The following TRPC7 variants were observed in gnomAD, a reference collection of about 807,000 sequenced individuals.
The protein encoded by TRPC7 is short transient receptor potential channel 7.
TRPC7 carries 42 observed loss-of-function variants against 90.1 expected under a neutral mutation model. The ratio of observed to expected loss-of-function variants is 0.47; its 90% confidence interval spans 0.36 to 0.60. The LOEUF (loss-of-function observed/expected upper bound fraction) is 0.60. Ranked by LOEUF, TRPC7 falls within the 20% of genes least tolerant of loss-of-function variation. The pLI is 0.00. For missense variants in TRPC7, 955 were observed against 1,112.3 expected, an observed-to-expected ratio of 0.86 and a Z score of 2.01; for synonymous variants, 451 against 436.3, an observed-to-expected ratio of 1.03 and a Z score of -0.42.
chr5:136,214,886 T>C (rs979729718), intron 11 of TRPC7, among the ~76,000 whole-genome samples: 2 of 152,220 alleles, frequency 1.3e-5, no homozygotes, highest in African/African-American at 2.4e-5. Context: ...AAGTATCTCA[T>C]TAATTACCTG....
Position 136,356,705 on chromosome 5 carries a change from G to C in TRPC7, c.683C>G (p.Ala228Gly), listed in dbSNP as rs769443068. 6.2e-7 allele frequency: 1 copy of C among 1,610,496 alleles called. No individual in the cohort carries two copies. Among genetic ancestry groups the C allele is most frequent in the Non-Finnish European group, 8.5e-7 (1 of 1,177,762 alleles). The change falls in exon 2 of 12, where the codon GCT becomes GGT. Residue 228 changes from alanine (A) to glycine (G), a missense_variant. Coordinates refer to ENST00000513104, the MANE Select transcript of TRPC7 (RefSeq NM_020389.3). The stretch of plus-strand genomic sequence containing the variant: ...TTCGCTGGACAGGGACAAGTAGGCA[G>C]CACTCGCCAGTCCTTTGTAGGCGTT... ...RMNAYKGLAS[A>G]AYLSLSSEDP...
chr5:136,266,418 T>C lies in TRPC7; in HGVS notation c.1147A>G (p.Ser383Gly), dbSNP rs760834791. Residue 383 changes from serine to glycine, a missense_variant, in exon 5 of 12, where the codon AGC (serine) becomes GGC (glycine). Ser to Gly is a moderately conservative substitution (Grantham distance 56). Around this residue, in one of 4 missense-constraint regions of TRPC7, gnomAD observed 484 missense variants for 509.6 expected, o/e 0.95. Transcript: ENST00000513104. ...TGAGCTACAAACTTCATGAAAGGGC[T>C]CCTCAGGGTTCGTCCTAGCTGGAAA... ...PCSKLGRTLR[S>G]PFMKFVAHAV... 37 of 1,613,480 alleles carry C rather than the reference T, an allele frequency of 2.3e-5. No individual in the cohort carries two copies. Among genetic ancestry groups the C allele is most frequent in the Non-Finnish European group, 3.0e-5 (35 of 1,179,696 alleles).
At chr5:136,354,224 T>C (rs1760289408) in intron 2 of TRPC7, among the ~76,000 whole-genome samples, 1 of 152,260 alleles carries the variant, frequency 6.6e-6, no homozygotes, top group East Asian at 1.9e-4. Flanking sequence ...AGCACATCCT[T>C]GACCTTAATG....
At chr5:136,243,665 T>A (rs915907694) in intron 7 of TRPC7, among the ~76,000 whole-genome samples, 2 of 151,182 alleles carry the variant, frequency 1.3e-5, no homozygotes, top group Non-Finnish European at 2.9e-5. Context: ...TATTCTCACA[T>A]GGCTTTTTTT....
intron 3 of TRPC7, among the ~76,000 whole-genome samples, chr5:136,279,298 A>G (rs1350937510): frequency 3.3e-5 from 5 of 152,164 alleles, no homozygotes; most frequent in African/African-American, 2.4e-5. Flanking sequence ...CTCTGACCAG[A>G]GAATGGTTTT....
chr5:136,283,257 T>C (rs1757601878), intron 3 of TRPC7, among the ~76,000 whole-genome samples: 1 of 152,240 alleles, frequency 6.6e-6, no homozygotes. Flanking sequence ...GTGTGGGGTG[T>C]CTGCTTTCTT....
intron 2 of TRPC7, among the ~76,000 whole-genome samples, chr5:136,333,891 AC>A (rs764155514): frequency 1.3e-5 from 2 of 152,340 alleles, no homozygotes; most frequent in Non-Finnish European, 2.9e-5. Context: ...CCATATAATT[AC>A]AAAAACATTT....
chr5:136,239,065 G>C (rs986744483), intron 7 of TRPC7, among the ~76,000 whole-genome samples: 2 of 152,142 alleles, frequency 1.3e-5, no homozygotes, highest in Admixed American at 1.3e-4. Flanking sequence ...TCAAGCCTTA[G>C]AACTTTTCTG....
chr5:136,228,285 G>A (rs1755694555), intron 8 of TRPC7, among the ~76,000 whole-genome samples: 1 of 151,888 alleles, frequency 6.6e-6, no homozygotes, highest in Admixed American at 6.6e-5. Flanking sequence ...AAGGTCAAGA[G>A]TGGGTGGGGT....
At chr5:136,236,845 C>A (rs556332095) in intron 7 of TRPC7, among the ~76,000 whole-genome samples, 2 of 152,238 alleles carry the variant, frequency 1.3e-5, no homozygotes, top group African/African-American at 2.4e-5. Context: ...GACTCCTAGC[C>A]CCTACCACTG....
Position 136,278,370 on chromosome 5 carries a change from C to T in TRPC7, c.964-3533G>A, listed in dbSNP as rs142388336. Among the ~76,000 whole-genome samples the T allele has an allele frequency of 6.2e-3, 943 of 152,302 alleles. 3 individuals carry two copies. Among genetic ancestry groups the T allele is most frequent in the Non-Finnish European group, 0.01 (693 of 68,014 alleles). On this transcript the variant is annotated intron_variant, in intron 3 of 11. Coordinates refer to ENST00000513104, the MANE Select transcript of TRPC7 (RefSeq NM_020389.3). ...TGCAAATCTGGTGCCATCCACAGGA[C>T]CAAAGTTGCCTTCCTTCCTCATTGC...
intron 10 of TRPC7, among the ~76,000 whole-genome samples, chr5:136,220,012 A>G (rs1386218667): frequency 6.6e-6 from 1 of 152,300 alleles, no homozygotes; most frequent in African/African-American, 2.4e-5. Flanking sequence ...GATTTCATGG[A>G]CATTTATCAC....
intron 7 of TRPC7, among the ~76,000 whole-genome samples, chr5:136,233,053 C>A (rs147615885): frequency 6.6e-6 from 1 of 152,052 alleles, no homozygotes; most frequent in East Asian, 1.9e-4. Context: ...ACAGCTCTCC[C>A]GAGTGTGATT....
At chr5:136,293,728 T>C (rs540127627) in intron 3 of TRPC7, among the ~76,000 whole-genome samples, 4,216 of 152,160 alleles carry the variant, frequency 0.028, 89 homozygotes, top group African/African-American at 0.052. Context: ...AGGTAATTTA[T>C]AGATTCAGTG....
chr5:136,223,827 A>C (rs1016865866), intron 10 of TRPC7, among the ~76,000 whole-genome samples: 4 of 152,138 alleles, frequency 2.6e-5, no homozygotes, highest in African/African-American at 9.7e-5. Flanking sequence ...TTCTCTCTGA[A>C]AAGCTGAGAA....
At chr5:136,214,734 G>A (rs887754222) in intron 11 of TRPC7, among the ~76,000 whole-genome samples, 2 of 152,108 alleles carry the variant, frequency 1.3e-5, no homozygotes, top group Non-Finnish European at 2.9e-5. Flanking sequence ...GCTGAGCTTC[G>A]AGCTGCATGC....
At chr5:136,241,931 T>C (rs1418687292) in intron 7 of TRPC7, among the ~76,000 whole-genome samples, 1 of 152,222 alleles carries the variant, frequency 6.6e-6, no homozygotes, top group Non-Finnish European at 1.5e-5. Flanking sequence ...TCTCTTTTTC[T>C]AACCCTGTAA....
chr5:136,294,443 GA>G (rs1285577482), intron 3 of TRPC7, among the ~76,000 whole-genome samples: 1 of 151,674 alleles, frequency 6.6e-6, no homozygotes, highest in African/African-American at 2.4e-5. Context: ...AAATTTACAA[GA>G]AAAAAACAAA....
Position 136,274,717 on chromosome 5 carries a change from G to A in TRPC7, c.1084C>T (p.Leu362Phe), listed in dbSNP as rs779287423. 5 of 1,613,438 alleles carry A rather than the reference G, an allele frequency of 3.1e-6. No individual in the cohort carries two copies. Among genetic ancestry groups the A allele is most frequent in the Non-Finnish European group, 4.2e-6 (5 of 1,179,740 alleles). The change falls in exon 4 of 12, where the codon CTC (leucine) becomes TTC (phenylalanine). Residue 362 changes from leucine (L) to phenylalanine (F), a missense_variant. Around this residue, in one of 4 missense-constraint regions of TRPC7, gnomAD observed 484 missense variants for 509.6 expected, o/e 0.95. Transcript: ENST00000513104. ...CAATAGGCTATGGCGAGAAAAGGGA[G>A]GCCTATGGAGACTCCAAAGACAGCC... ...FLAVFGVSIG[L>F]PFLAIAYWIA... is the part of the protein sequence containing the mutation.
Sources: allele counts gnomAD v4.1 joint callset (sites outside exome capture counted in the v4.1 genomes callset), GRCh38; gene constraint gnomAD v4.1.1; regional missense constraint gnomAD v4.1.1; transcripts MANE v1.5; gene names NCBI Gene and HGNC (gene_info 2026-07-23, HGNC 2026-07-21).